The following KATNAL1 variants were observed in gnomAD, a reference collection of about 807,000 sequenced individuals.
The protein encoded by KATNAL1 is katanin p60 ATPase-containing subunit A-like 1.
A neutral mutation model predicts 55.2 loss-of-function variants in KATNAL1; 32 were observed. That is an observed-to-expected ratio of 0.58 (90% CI 0.44 to 0.78). KATNAL1 has a LOEUF of 0.78. Among genes scored for constraint, KATNAL1 ranks in the 30% least tolerant of loss-of-function variants. KATNAL1 has a pLI of 0.00. For missense variants in KATNAL1, 466 were observed against 600.9 expected, an observed-to-expected ratio of 0.78 and a Z score of 2.35; for synonymous variants, 193 against 193.6, an observed-to-expected ratio of 1.00 and a Z score of 0.02.
At chr13:30,226,596 G>C (rs1875495305) in intron 9 of KATNAL1, among the ~76,000 whole-genome samples, 1 of 152,280 alleles carries the variant, frequency 6.6e-6, no homozygotes, top group Non-Finnish European at 1.5e-5. Flanking sequence ...GCTGGTAGGG[G>C]CACACAGAAC....
At chr13:30,274,838 GGATA>G (rs997765845) in intron 3 of KATNAL1, among the ~76,000 whole-genome samples, 28 of 148,580 alleles carry the variant, frequency 1.9e-4, no homozygotes, top group African/African-American at 5.7e-4. Flanking sequence ...ACAGATGAAT[GGATA>G]AAGAAAATGT....
intron 4 of KATNAL1, among the ~76,000 whole-genome samples, chr13:30,244,505 T>C (rs1877592549): frequency 6.6e-6 from 1 of 152,178 alleles, no homozygotes; most frequent in Non-Finnish European, 1.5e-5. Context: ...CGCCACACTG[T>C]CTTCCACAAT....
At chr13:30,222,469 G>T (rs966036577) in intron 9 of KATNAL1, among the ~76,000 whole-genome samples, 6 of 152,188 alleles carry the variant, frequency 3.9e-5, no homozygotes, top group African/African-American at 1.4e-4. Flanking sequence ...TGTTGGTTCT[G>T]TTTCTCTGCA....
intron 7 of KATNAL1, 76 bp downstream of exon 7, chr13:30,231,238 G>T: frequency 8.5e-7 from 1 of 1,171,934 alleles, no homozygotes. Flanking sequence ...AAAGATTCCA[G>T]GTGGACAGAA....
intron 1 of KATNAL1, chr13:30,296,166 G>A: frequency 1.7e-6 from 1 of 582,296 alleles, no homozygotes. Flanking sequence ...GGTAATGCGT[G>A]CATGGGAAAG....
chr13:30,217,483 C>T lies in KATNAL1; in HGVS notation c.1148-7041G>A, dbSNP rs1281712843. ...AAAAACTGAATTGATATTCAATAAG[C>T]TTGTGAAAAGATTTAACAAGGGATT... On this transcript the variant is annotated intron_variant, in intron 9 of 10. Coordinates refer to ENST00000380615, the MANE Select transcript of KATNAL1 (RefSeq NM_032116.5). 2.6e-5 allele frequency among the ~76,000 whole-genome samples: 4 copies of T among 152,262 alleles called. No individual in the cohort carries two copies. In the East Asian group the frequency reaches 5.8e-4, roughly 22 times the overall value.
rs1432850611 is a variant in KATNAL1 at position 30,283,794 on chromosome 13, A to G, written c.-14-3T>C. The G allele has an allele frequency of 6.3e-7, 1 of 1,591,994 alleles. No individual in the cohort carries two copies. On this transcript the variant is annotated splice_region_variant and splice_polypyrimidine_tract_variant and intron_variant, in intron 1 of 10. Transcript: ENST00000380615. The stretch of plus-strand genomic sequence containing the variant: ...CAAATTCATCTTCTTTCAGAGACCT[A>G]AACATAAAATATAATGACTTTTTAA...
chr13:30,269,803 G>A (rs1219066429), intron 3 of KATNAL1, among the ~76,000 whole-genome samples: 53 of 126,860 alleles, frequency 4.2e-4, no homozygotes, highest in African/African-American at 1.3e-3. Flanking sequence ...CCCGGCAGCC[G>A]CCCCATCTGA....
At chr13:30,221,377 C>G (rs904583965) in intron 9 of KATNAL1, among the ~76,000 whole-genome samples, 2 of 152,198 alleles carry the variant, frequency 1.3e-5, no homozygotes, top group East Asian at 1.9e-4. Context: ...TGCCAGTAAT[C>G]TGAATGCCTG....
At chr13:30,225,300 C>A (rs1460356874) in intron 9 of KATNAL1, among the ~76,000 whole-genome samples, 1 of 152,162 alleles carries the variant, frequency 6.6e-6, no homozygotes, top group Non-Finnish European at 1.5e-5. Flanking sequence ...CAGAACCAGA[C>A]ATGAACTATA....
intron 3 of KATNAL1, among the ~76,000 whole-genome samples, chr13:30,275,833 A>C (rs1265185170): frequency 1.3e-5 from 2 of 152,158 alleles, no homozygotes; most frequent in Non-Finnish European, 1.5e-5. Context: ...AAATATATAC[A>C]ATTTTTAATT....
At chr13:30,275,592 G>C (rs1431812235) in intron 3 of KATNAL1, among the ~76,000 whole-genome samples, 1 of 152,130 alleles carries the variant, frequency 6.6e-6, no homozygotes, top group Non-Finnish European at 1.5e-5. Context: ...ATTGGTCAAA[G>C]GGTACAAAGT....
At chr13:30,264,073 A>G (rs1195280203) in intron 3 of KATNAL1, among the ~76,000 whole-genome samples, 2 of 150,452 alleles carry the variant, frequency 1.3e-5, no homozygotes, top group Non-Finnish European at 3.0e-5. Flanking sequence ...ATAACGCCGC[A>G]TATCTACAAC....
Position 30,210,440 on chromosome 13 carries a change from T to G in KATNAL1, c.1150A>C (p.Lys384Gln). 1.3e-6 allele frequency: 2 copies of G among 1,597,116 alleles called. No homozygotes were observed. The highest frequency in any genetic ancestry group is 1.7e-6 in the Non-Finnish European group (2 of 1,174,960). The change falls in exon 10 of 11, where the codon AAA (lysine) becomes CAA (glutamine). Residue 384 changes from lysine (K) to glutamine (Q), a missense_variant and splice_region_variant. Physicochemically the swap from Lys to Gln is moderately conservative, Grantham distance 53. Around this residue, in one of 3 missense-constraint regions of KATNAL1, gnomAD observed 213 missense variants for 308.6 expected, o/e 0.69. Transcript: ENST00000380615. ...ATCTTCAGAAGCTCAGCTCTTCCTT[T>G]TGCTGTTACAAGATTTTGGTGGTGT... is the stretch of plus-strand genomic sequence containing the variant. ...KRIYIPLPTAKGRAELLKINL... is the reference protein window; with the variant it reads ...KRIYIPLPTAQGRAELLKINL...
At position 30,223,149 on chromosome 13, in the gene KATNAL1, ATG is replaced by A. The variant is rs1875055341; in HGVS notation, c.1147+4261_1147+4262del. 2.6e-5 allele frequency among the ~76,000 whole-genome samples: 4 copies of A among 151,970 alleles called. No individual in the cohort carries two copies. The South Asian group carries it at 8.3e-4, about 32-fold the overall frequency. ...TGGACAAATAGCAAGGCTCAACTAT[ATG>A]CTGTCTATAAAAACTGCACTGTACA... On this transcript the variant is annotated intron_variant, in intron 9 of 10. Coordinates refer to ENST00000380615, the MANE Select transcript of KATNAL1 (RefSeq NM_032116.5).
At chr13:30,226,099 T>C (rs1039712628) in intron 9 of KATNAL1, among the ~76,000 whole-genome samples, 2 of 152,162 alleles carry the variant, frequency 1.3e-5, no homozygotes, top group Admixed American at 6.5e-5. Flanking sequence ...CTTACTAGAA[T>C]GACTGAAATT....
At chr13:30,272,257 G>C (rs924281308) in intron 3 of KATNAL1, among the ~76,000 whole-genome samples, 2 of 152,178 alleles carry the variant, frequency 1.3e-5, no homozygotes, top group African/African-American at 4.8e-5. Context: ...AATTAGCCAG[G>C]TGTGGTGGCT....
chr13:30,278,169 T>C (rs1881006470), intron 3 of KATNAL1, among the ~76,000 whole-genome samples: 1 of 152,090 alleles, frequency 6.6e-6, no homozygotes, highest in Non-Finnish European at 1.5e-5. Flanking sequence ...TGTGGAGTTG[T>C]TGTTTTCTTA....
intron 9 of KATNAL1, among the ~76,000 whole-genome samples, chr13:30,223,441 CAAAAAAA>C (rs34451447): frequency 2.1e-5 from 1 of 48,770 alleles, no homozygotes; most frequent in Non-Finnish European, 3.4e-5. Context: ...GACTCCATCT[CAAAAAAA>C]AAAAAAAAAA....
Sources: gnomAD v4.1 joint callset for allele counts (sites outside exome capture counted in the v4.1 genomes callset) on GRCh38, gnomAD v4.1.1 for gene constraint, gnomAD v4.1.1 regional missense constraint, MANE v1.5 for transcripts, NCBI Gene and HGNC (gene_info 2026-07-23, HGNC 2026-07-21) for gene names.